The following TRPM6 variants were observed in gnomAD, a reference collection of about 807,000 sequenced individuals.
TRPM6 encodes transient receptor potential cation channel subfamily M member 6, also known as channel kinase 2.
Under a neutral mutation model 247.6 loss-of-function variants are expected in TRPM6, and 111 were observed. The ratio of observed to expected loss-of-function variants is 0.45; its 90% CI spans 0.38 to 0.52. The LOEUF is 0.52. Among genes scored for constraint, TRPM6 ranks in the 20% least tolerant of loss-of-function variants. TRPM6 has a pLI of 0.00. For missense variants in TRPM6, 2,126 were observed against 2,421.5 expected, an observed-to-expected ratio of 0.88 and a Z score of 2.56; for synonymous variants, 892 against 853.8, an observed-to-expected ratio of 1.04 and a Z score of -0.78.
chr9:74,781,722 A>G lies in TRPM6; in HGVS notation c.3209+640T>C, dbSNP rs78772262. Among the ~76,000 whole-genome samples, 663 of 152,210 alleles carry G rather than the reference A, an allele frequency of 4.4e-3. 4 individuals are homozygous for G. Among genetic ancestry groups the G allele is most frequent in the African/African-American group, 0.015 (605 of 41,536 alleles). On this transcript the variant is annotated intron_variant, in intron 23 of 38. Coordinates refer to ENST00000360774, the MANE Select transcript of TRPM6 (RefSeq NM_017662.5). Reference sequence around the variant, plus strand: ...TCAAGAACTCCTTAACCAACTTGCAATTCCATCACTTGCTATCCTTTCATA... The same window carrying G: ...TCAAGAACTCCTTAACCAACTTGCAGTTCCATCACTTGCTATCCTTTCATA...
chr9:74,735,734 A>AT (rs1388121944), intron 36 of TRPM6, among the ~76,000 whole-genome samples: 4 of 152,104 alleles, frequency 2.6e-5, no homozygotes, highest in Non-Finnish European at 5.9e-5. Flanking sequence ...CACATGTAGG[A>AT]TTTTTTAAGT....
At chr9:74,828,636 T>C (rs1349150507) in intron 6 of TRPM6, among the ~76,000 whole-genome samples, 2 of 151,118 alleles carry the variant, frequency 1.3e-5, no homozygotes, top group African/African-American at 4.9e-5. Context: ...TCTTTCTTTT[T>C]TTTTTTTTTT....
chr9:74,885,623 A>G (rs1831507798), intron 1 of TRPM6, among the ~76,000 whole-genome samples: 1 of 152,254 alleles, frequency 6.6e-6, no homozygotes, highest in African/African-American at 2.4e-5. Flanking sequence ...ATTTTACAGA[A>G]AATAGTTGCC....
At chr9:74,751,290 C>T (rs1469582161) in intron 29 of TRPM6, among the ~76,000 whole-genome samples, 1 of 152,088 alleles carries the variant, frequency 6.6e-6, no homozygotes, top group Admixed American at 6.6e-5. Context: ...GTTATTTTTG[C>T]TGTCCATTAG....
At chr9:74,879,496 G>A (rs544595562) in intron 1 of TRPM6, among the ~76,000 whole-genome samples, 6 of 152,070 alleles carry the variant, frequency 3.9e-5, no homozygotes, top group Non-Finnish European at 1.5e-5. Flanking sequence ...GAAGTTCTGA[G>A]GAAACAGAAT....
chr9:74,855,425 G>T, intron 3 of TRPM6, 102 bp downstream of exon 3: 1 of 850,278 alleles, frequency 1.2e-6, no homozygotes, highest in Non-Finnish European at 2.1e-6. Flanking sequence ...TAAATGGCAT[G>T]CACCATTTAC....
At position 74,803,788 on chromosome 9, in the gene TRPM6, T is replaced by C; in HGVS notation, c.1731+6A>G. On this transcript the variant is annotated splice_donor_region_variant and intron_variant, in intron 15 of 38. Coordinates refer to ENST00000360774, the MANE Select transcript of TRPM6 (RefSeq NM_017662.5). Reference sequence around the variant, plus strand: ...CCTTTCAAGTTGAAAAACAAGTAAATGGTACCTTGAATTTGTATGGCTGTG... The same window carrying C: ...CCTTTCAAGTTGAAAAACAAGTAAACGGTACCTTGAATTTGTATGGCTGTG... 3 of 1,596,544 alleles carry C rather than the reference T, an allele frequency of 1.9e-6. No homozygotes were observed. Among genetic ancestry groups the C allele is most frequent in the East Asian group, 2.2e-5 (1 of 44,788 alleles).
At chr9:74,759,146 G>C (rs983206686) in intron 27 of TRPM6, among the ~76,000 whole-genome samples, 3 of 152,034 alleles carry the variant, frequency 2.0e-5, no homozygotes, top group African/African-American at 4.8e-5. Flanking sequence ...TCATGTTCGT[G>C]AATCAGAAGA....
intron 6 of TRPM6, among the ~76,000 whole-genome samples, chr9:74,833,457 T>C (rs1422912077): frequency 1.3e-5 from 2 of 152,216 alleles, no homozygotes; most frequent in Non-Finnish European, 2.9e-5. Context: ...ATTAAGAATG[T>C]CCCTTGTTTC....
At chr9:74,728,374 A>T (rs1825404438) in intron 37 of TRPM6, 29 bp from the exon 38 acceptor site, 1 of 1,488,362 alleles carries the variant, frequency 6.7e-7, no homozygotes, top group Admixed American at 1.7e-5. Context: ...TATCAATTAG[A>T]TCACAGCTAA....
chr9:74,744,314 C>G lies in TRPM6; in HGVS notation c.5084-169G>C, dbSNP rs147418373. On this transcript the variant is annotated intron_variant, in intron 31 of 38. Transcript: ENST00000360774. ...TAACCACAGTATTGCGCATGGTATC[C>G]TGACAGCTTCCAATCATCAATGTAA... 9.2e-5 allele frequency: 64 copies of G among 692,546 alleles called. No individual in the cohort carries two copies. The African/African-American group carries it at 1.1e-3, about 12-fold the overall frequency. The allele number at this position is 692,546 out of a possible 1,614,324, so 42.9% of individuals were successfully genotyped here.
intron 6 of TRPM6, among the ~76,000 whole-genome samples, chr9:74,831,037 C>G (rs1829528330): frequency 6.6e-6 from 1 of 152,048 alleles, no homozygotes; most frequent in South Asian, 2.1e-4. Flanking sequence ...ATTTACATAT[C>G]TTATCACAAT....
At chr9:74,749,126 G>C (rs1290550039) in intron 30 of TRPM6, among the ~76,000 whole-genome samples, 1 of 152,166 alleles carries the variant, frequency 6.6e-6, no homozygotes, top group Non-Finnish European at 1.5e-5. Flanking sequence ...TAGGTGTGTA[G>C]TAGGTTAGAC....
intron 9 of TRPM6, among the ~76,000 whole-genome samples, chr9:74,818,372 G>A (rs556765829): frequency 5.3e-5 from 7 of 131,916 alleles, no homozygotes; most frequent in South Asian, 2.4e-4. Context: ...GTGCGATTTC[G>A]GCTCACCGCA....
chr9:74,830,499 G>T (rs540846271), intron 6 of TRPM6, among the ~76,000 whole-genome samples: 1 of 152,048 alleles, frequency 6.6e-6, no homozygotes, highest in Admixed American at 6.6e-5. Context: ...GGGCTCGAGC[G>T]ATCCTCCCAC....
intron 21 of TRPM6, among the ~76,000 whole-genome samples, chr9:74,784,190 G>T (rs182346630): frequency 6.6e-6 from 1 of 151,136 alleles, no homozygotes; most frequent in Non-Finnish European, 1.5e-5. Flanking sequence ...TTGAACGCAG[G>T]AAGTGGAGGT....
intron 35 of TRPM6, among the ~76,000 whole-genome samples, chr9:74,738,854 C>T (rs1314793128): frequency 6.6e-6 from 1 of 152,210 alleles, no homozygotes; most frequent in East Asian, 1.9e-4. Flanking sequence ...CCAGACCCAA[C>T]TCTTCTTGCT....
intron 9 of TRPM6, among the ~76,000 whole-genome samples, chr9:74,817,960 T>G (rs1243073126): frequency 6.6e-6 from 1 of 152,084 alleles, no homozygotes; most frequent in Non-Finnish European, 1.5e-5. Flanking sequence ...TTGAATAATC[T>G]CTAAGGTATC....
chr9:74,737,782 T>C (rs1398508306), intron 36 of TRPM6, among the ~76,000 whole-genome samples: 1 of 152,220 alleles, frequency 6.6e-6, no homozygotes, highest in Non-Finnish European at 1.5e-5. Context: ...GCCTAAGGAC[T>C]AAACGTTGAC....
Sources: gnomAD v4.1 joint callset for allele counts (sites outside exome capture counted in the v4.1 genomes callset) on GRCh38, gnomAD v4.1.1 for gene constraint, MANE v1.5 for transcripts, NCBI Gene and HGNC (gene_info 2026-07-23, HGNC 2026-07-21) for gene names.